The following AHDC1 variants were observed in gnomAD, a reference collection of about 807,000 sequenced individuals.
AHDC1 encodes the protein transcription factor Gibbin.
A neutral mutation model predicts 87.9 loss-of-function variants in AHDC1; 7 were observed. The ratio of observed to expected loss-of-function variants is 0.08; its 90% CI spans 0.05 to 0.15. The LOEUF (loss-of-function observed/expected upper bound fraction) is 0.15. Ranked by LOEUF, AHDC1 falls within the 10% of genes least tolerant of loss-of-function variation. AHDC1 has a pLI of 1.00. For missense variants in AHDC1, 1,841 were observed against 2,253.2 expected, an observed-to-expected ratio of 0.82 and a Z score of 3.70; for synonymous variants, 1,051 against 1,006.8, an observed-to-expected ratio of 1.04 and a Z score of -0.83.
rs764055816 is a variant in AHDC1 at position 27,560,276 on chromosome 1, G to A, written c.-628-1393C>T. On this transcript the variant is annotated intron_variant, in intron 3 of 8. Coordinates refer to ENST00000673934, the MANE Select transcript of AHDC1 (RefSeq NM_001371928.1). The surrounding 1 kb of genome is among the most constrained non-coding windows in gnomAD (Gnocchi z 4.1). ...AGGACACAGGGGTGCATGTGTGCCT[G>A]TGTGTAGCCAGGTGAGCCCAGCTGT... 7.2e-5 allele frequency among the ~76,000 whole-genome samples: 11 copies of A among 152,072 alleles called. No homozygotes were observed. Among genetic ancestry groups the A allele is most frequent in the Non-Finnish European group, 4.4e-5 (3 of 68,006 alleles).
chr1:27,550,691 C>T lies in AHDC1; in HGVS notation c.1425G>A (p.Val475=). ...KGKCRGVRRM[V]VKMAKIPVSL... is the part of the protein sequence containing the mutation. ...ATACGGGGATCTTGGCCATCTTCAC[C>T]ACCATGCGCCGCACGCCCCGGCACT... is the stretch of plus-strand genomic sequence containing the variant. The change falls in exon 8 of 9, where the codon GTG becomes GTA. Residue 475 remains valine (V), a synonymous_variant. Coordinates refer to ENST00000673934, the MANE Select transcript of AHDC1 (RefSeq NM_001371928.1). 1 of 1,611,878 alleles carries T rather than the reference C, an allele frequency of 6.2e-7. No individual in the cohort carries two copies. The highest frequency in any genetic ancestry group is 8.5e-7 in the Non-Finnish European group (1 of 1,179,376).
Position 27,549,359 on chromosome 1 carries a change from C to T in AHDC1, c.2757G>A (p.Gln919=). 6.2e-7 allele frequency: 1 copy of T among 1,612,960 alleles called. No homozygotes were observed. Among genetic ancestry groups the T allele is most frequent in the Non-Finnish European group, 8.5e-7 (1 of 1,179,652 alleles). Residue 919 remains glutamine (Q), a synonymous_variant, in exon 8 of 9, where the codon CAG becomes CAA. Coordinates refer to ENST00000673934, the MANE Select transcript of AHDC1 (RefSeq NM_001371928.1). Reference sequence around the variant, plus strand: ...TTGCTGCTCGTCCTGGTGGGAAGGTCTGGCGCGCGGACAGGACAGGCTGAA... The same window carrying T: ...TTGCTGCTCGTCCTGGTGGGAAGGTTTGGCGCGCGGACAGGACAGGCTGAA... ...PSFQPVLSAR[Q]TFPPGRAASY...
chr1:27,566,807 T>G (rs1387676773), intron 3 of AHDC1, among the ~76,000 whole-genome samples: 2 of 84,144 alleles, frequency 2.4e-5, no homozygotes, highest in Non-Finnish European at 4.6e-5. Context: ...GGCAGTTGGC[T>G]GCTAGGGTGG....
In AHDC1 at chr1:27,590,953, G is replaced by C. The variant is rs1269669467; in HGVS notation, c.-629+12444C>G. On this transcript the variant is annotated intron_variant, in intron 3 of 8. Coordinates refer to ENST00000673934, the MANE Select transcript of AHDC1 (RefSeq NM_001371928.1). The surrounding 1 kb of genome is among the most constrained non-coding windows in gnomAD (Gnocchi z 5.4). ...TTTGCTAAGAGACTAAGGTTGAGGA[G>C]GAGAAACGAGATGCTCCATGATTTA... 6.6e-6 allele frequency among the ~76,000 whole-genome samples: 1 copy of C among 152,172 alleles called. No homozygotes were observed. Among genetic ancestry groups the C allele is most frequent in the East Asian group, 1.9e-4 (1 of 5,184 alleles).
intron 3 of AHDC1, among the ~76,000 whole-genome samples, chr1:27,575,071 G>GC (rs2088674180): frequency 6.6e-6 from 1 of 152,182 alleles, no homozygotes; most frequent in Non-Finnish European, 1.5e-5. Context: ...AGACTGCCTT[G>GC]CCTCCCTCCT....
intron 3 of AHDC1, among the ~76,000 whole-genome samples, chr1:27,571,082 G>A (rs2020546576): frequency 6.6e-6 from 1 of 152,154 alleles, no homozygotes; most frequent in African/African-American, 2.4e-5. Context: ...GAAAAGGCAG[G>A]GTACTCTACT....
At chr1:27,552,391 C>A (rs1033099339) in intron 7 of AHDC1, 2 of 416,360 alleles carry the variant, frequency 4.8e-6, no homozygotes, top group Non-Finnish European at 8.1e-6. Flanking sequence ...CCTCATGGGC[C>A]CAGTTTCACT....
chr1:27,577,295 C>G (rs750600161), intron 3 of AHDC1, among the ~76,000 whole-genome samples: 1 of 152,224 alleles, frequency 6.6e-6, no homozygotes, highest in Non-Finnish European at 1.5e-5. Flanking sequence ...AGCTCCTGGT[C>G]GGTTGCCCCA....
chr1:27,587,256 T>C (rs1402554369), intron 3 of AHDC1, among the ~76,000 whole-genome samples: 1 of 152,182 alleles, frequency 6.6e-6, no homozygotes. Flanking sequence ...TGAAGCTGAC[T>C]CTCTAAGGGG....
intron 3 of AHDC1, among the ~76,000 whole-genome samples, chr1:27,564,787 C>T (rs894725392): frequency 1.3e-5 from 2 of 152,144 alleles, no homozygotes; most frequent in Non-Finnish European, 2.9e-5. Context: ...AAAGCTTGGA[C>T]AAGAGGAGTG....
chr1:27,575,493 C>G (rs2088695909), intron 3 of AHDC1, among the ~76,000 whole-genome samples: 3 of 152,070 alleles, frequency 2.0e-5, no homozygotes, highest in Admixed American at 2.0e-4. Flanking sequence ...GCGGAGGCGC[C>G]CCCTAGGGTC....
chr1:27,591,498 C>T (rs564667795), intron 3 of AHDC1, among the ~76,000 whole-genome samples: 5 of 152,314 alleles, frequency 3.3e-5, no homozygotes, highest in African/African-American at 1.2e-4. Context: ...GCATTAGGCC[C>T]TGCCCTCTGT....
At chr1:27,568,514 G>A (rs2020419689) in intron 3 of AHDC1, among the ~76,000 whole-genome samples, 1 of 152,110 alleles carries the variant, frequency 6.6e-6, no homozygotes, top group South Asian at 2.1e-4. Context: ...CCCTTAGGCC[G>A]GCCCTGCCTT....
chr1:27,583,301 C>T (rs2088959380), intron 3 of AHDC1, among the ~76,000 whole-genome samples: 2 of 152,200 alleles, frequency 1.3e-5, no homozygotes, highest in South Asian at 2.1e-4. Flanking sequence ...CCCTAAGCCG[C>T]GTTCATTCTC....
intron 3 of AHDC1, among the ~76,000 whole-genome samples, chr1:27,584,964 G>C (rs752439859): frequency 6.6e-6 from 1 of 152,112 alleles, no homozygotes; most frequent in Non-Finnish European, 1.5e-5. Context: ...CCTGAGGTCA[G>C]GAGTTCGAGA....
chr1:27,535,919 G>C (rs1373116061), intron 8 of AHDC1, among the ~76,000 whole-genome samples: 2 of 152,030 alleles, frequency 1.3e-5, no homozygotes, highest in African/African-American at 4.8e-5. Flanking sequence ...GACAGGGATG[G>C]GCTCGGGACT....
chr1:27,549,439 C>T lies in AHDC1; in HGVS notation c.2677G>A (p.Ala893Thr), dbSNP rs764429062. 1 of 1,612,902 alleles carries T rather than the reference C, an allele frequency of 6.2e-7. No individual in the cohort carries two copies. Among genetic ancestry groups the T allele is most frequent in the South Asian group, 1.1e-5 (1 of 91,054 alleles). ...CCCACTGCCACTGGGCTGGCCTTGG[C>T]TCCCCGGCTAGGGAAGGTGGCCAGG... ...RGLATFPSRGAKASPVAVGSS... is the reference protein window; with the variant it reads ...RGLATFPSRGTKASPVAVGSS... Residue 893 changes from alanine (A) to threonine (T), a missense_variant, in exon 8 of 9, where the codon GCC (alanine) becomes ACC (threonine). By Grantham distance (58) the Ala-to-Thr change is moderately conservative (BLOSUM62 0). Transcript: ENST00000673934.
intron 5 of AHDC1, among the ~76,000 whole-genome samples, chr1:27,555,090 G>A (rs537676031): frequency 2.8e-4 from 43 of 152,286 alleles, no homozygotes; most frequent in Admixed American, 6.5e-4. Context: ...TCCTTCTAGC[G>A]CCGTGGTCTA....
In AHDC1 at chr1:27,563,942, GCTGTTA is replaced by G. The variant is rs1396735838; in HGVS notation, c.-628-5065_-628-5060del. Among the ~76,000 whole-genome samples, 3 of 152,172 alleles carry G rather than the reference GCTGTTA, an allele frequency of 2.0e-5. No homozygotes were observed. The highest frequency in any genetic ancestry group is 4.4e-5 in the Non-Finnish European group (3 of 68,024). ...GGTGGAGGGAGGGCTGTCCTGAGGC[GCTGTTA>G]CTATGAGACTGCTTAGAGATCAGTG... On this transcript the variant is annotated intron_variant, in intron 3 of 8. Coordinates refer to ENST00000673934, the MANE Select transcript of AHDC1 (RefSeq NM_001371928.1). The surrounding 1 kb of genome is among the most constrained non-coding windows in gnomAD (Gnocchi z 6.1).
Sources: allele counts gnomAD v4.1 joint callset (sites outside exome capture counted in the v4.1 genomes callset), GRCh38; gene constraint gnomAD v4.1.1; non-coding constraint Gnocchi (gnomAD v3.1); transcripts MANE v1.5; gene names NCBI Gene and HGNC (gene_info 2026-07-23, HGNC 2026-07-21).